CEP63: variants seen among roughly 807,000 people sequenced by gnomAD.
CEP63 encodes centrosomal protein 63.
A neutral mutation model predicts 89.1 loss-of-function variants in CEP63; 84 were observed. That is an observed-to-expected ratio of 0.94 (90% CI 0.79 to 1.13). CEP63 has a LOEUF of 1.13. CEP63 is among the 50% of genes most tolerant of loss of function. The pLI is 0.00. For missense variants in CEP63, 838 were observed against 813.3 expected (o/e 1.03, Z -0.37); for synonymous variants, 267 against 272.5 (o/e 0.98, Z 0.20).
At chr3:134,608,676 G>C in the CEP63 span, 12 of 1,614,044 alleles carry the variant, frequency 7.4e-6, no homozygotes, top group Non-Finnish European at 9.3e-6. Flanking sequence ...GTCTCTGGGT[G>C]GGCACTCAGC....
chr3:134,539,935 A>G (rs1951659425), intron 6 of CEP63, among the ~76,000 whole-genome samples: 1 of 152,148 alleles, frequency 6.6e-6, no homozygotes, highest in African/African-American at 2.4e-5. Flanking sequence ...TTTGGTGTAA[A>G]TTTCTTCTGA....
downstream of CEP63, among the ~76,000 whole-genome samples, chr3:134,576,701 TA>T (rs148568625): frequency 6.6e-6 from 1 of 152,228 alleles, no homozygotes; most frequent in East Asian, 1.9e-4. Flanking sequence ...AAAAATGCTG[TA>T]GATGGAACTC....
intron 3 of CEP63, among the ~76,000 whole-genome samples, chr3:134,525,357 G>A (rs1948428865): frequency 6.6e-6 from 1 of 151,866 alleles, no homozygotes; most frequent in African/African-American, 2.4e-5. Context: ...GTTTTTTCAT[G>A]TCTCAGTCTC....
At chr3:134,678,656 C>T in the CEP63 span, among the ~76,000 whole-genome samples, 1 of 152,180 alleles carries the variant, frequency 6.6e-6, no homozygotes, top group South Asian at 2.1e-4. Flanking sequence ...TATAAGTGTC[C>T]TCATTTTACA....
At chr3:134,701,726 G>A in the CEP63 span, among the ~76,000 whole-genome samples, 1 of 152,116 alleles carries the variant, frequency 6.6e-6, no homozygotes, top group African/African-American at 2.4e-5. Flanking sequence ...GTCCTGGCCA[G>A]GGCAATCAGG....
chr3:134,629,423 T>C, the CEP63 span: 1 of 558,620 alleles, frequency 1.8e-6, no homozygotes, highest in Non-Finnish European at 3.2e-6. Context: ...GTTCCAGAGA[T>C]GCAAAATCAG....
At chr3:134,591,723 C>CAA (rs1289897202), downstream of CEP63, among the ~76,000 whole-genome samples, 1 of 151,724 alleles carries the variant, frequency 6.6e-6, no homozygotes, top group Non-Finnish European at 1.5e-5. Context: ...ACAAAAAAAA[C>CAA]AAAAAAAATT....
At chr3:134,699,526 G>C in the CEP63 span, among the ~76,000 whole-genome samples, 1 of 152,236 alleles carries the variant, frequency 6.6e-6, no homozygotes, top group East Asian at 1.9e-4. Flanking sequence ...GAAGCATACA[G>C]GACAGACTGT....
chr3:134,540,826 CCAGCCTGGAG>C (rs1373688038), intron 6 of CEP63, among the ~76,000 whole-genome samples: 1 of 150,410 alleles, frequency 6.6e-6, no homozygotes, highest in Non-Finnish European at 1.5e-5. Flanking sequence ...CCTCGGTTGC[CCAGCCTGGAG>C]TACAGTGGCC....
chr3:134,590,885 G>T (rs1202341481), downstream of CEP63, among the ~76,000 whole-genome samples: 1 of 152,162 alleles, frequency 6.6e-6, no homozygotes, highest in Non-Finnish European at 1.5e-5. Flanking sequence ...GGACAGGTCT[G>T]CCCTGCTCCT....
intron 2 of CEP63, among the ~76,000 whole-genome samples, chr3:134,496,341 T>A (rs1394087782): frequency 1.3e-5 from 2 of 149,492 alleles, no homozygotes; most frequent in Non-Finnish European, 3.0e-5. Flanking sequence ...AAACCATACA[T>A]AATAGTGTAT....
chr3:134,608,736 G>A, the CEP63 span: 22 of 1,614,068 alleles, frequency 1.4e-5, no homozygotes, highest in Non-Finnish European at 1.9e-5. Flanking sequence ...TTCTCAAACT[G>A]CCTCAGAGAT....
chr3:134,494,090 TTATATTTA>T (rs1212987456), intron 1 of CEP63, among the ~76,000 whole-genome samples: 4 of 108,088 alleles, frequency 3.7e-5, no homozygotes, highest in East Asian at 5.3e-4. Flanking sequence ...ACCCTTTATT[TTATATTTA>T]TTTATTTATT....
the CEP63 span, among the ~76,000 whole-genome samples, chr3:134,749,472 G>C: frequency 1.3e-5 from 2 of 152,052 alleles, no homozygotes; most frequent in African/African-American, 4.8e-5. Flanking sequence ...CAGGTATATG[G>C]GGTGGGGAGG....
At chr3:134,780,326 T>C in the CEP63 span, among the ~76,000 whole-genome samples, 2 of 152,238 alleles carry the variant, frequency 1.3e-5, no homozygotes, top group Non-Finnish European at 2.9e-5. Flanking sequence ...CACAATGCTA[T>C]GCAATCATCA....
the CEP63 span, among the ~76,000 whole-genome samples, chr3:134,701,434 G>C: frequency 7.5e-6 from 1 of 133,964 alleles, no homozygotes; most frequent in African/African-American, 2.8e-5. Flanking sequence ...GTATATATGT[G>C]TATATATACA....
intron 5 of CEP63, among the ~76,000 whole-genome samples, chr3:134,534,913 A>G (rs941524643): frequency 6.6e-6 from 1 of 151,108 alleles, no homozygotes; most frequent in Non-Finnish European, 1.5e-5. Context: ...TAGACTTCCA[A>G]CTCTTGTGTC....
chr3:134,695,684 A>AT, the CEP63 span, among the ~76,000 whole-genome samples: 1 of 152,182 alleles, frequency 6.6e-6, no homozygotes, highest in Non-Finnish European at 1.5e-5. Context: ...GCTGGTGCAC[A>AT]TGCCTCTCTA....
At chr3:134,594,355 G>A in the CEP63 span, among the ~76,000 whole-genome samples, 5 of 152,232 alleles carry the variant, frequency 3.3e-5, no homozygotes, top group African/African-American at 1.2e-4. Flanking sequence ...CCACCATAAA[G>A]GGGGACGTCA....
Sources: gnomAD v4.1 joint callset for allele counts (sites outside exome capture counted in the v4.1 genomes callset) on GRCh38, gnomAD v4.1.1 for gene constraint, MANE v1.5 for transcripts, NCBI Gene and HGNC (gene_info 2026-07-23, HGNC 2026-07-21) for gene names.